Variants in NRG1 observed in about 807,000 individuals in gnomAD.
NRG1 encodes the protein neuregulin 1.
In NRG1, 18 loss-of-function variants were observed where a neutral mutation model predicts 63.8. That is an observed-to-expected ratio of 0.28 (90% CI 0.19 to 0.42). The LOEUF is 0.42. Ranked by LOEUF, NRG1 falls within the 10% of genes least tolerant of loss-of-function variation. NRG1 has a pLI of 1.00. For missense variants in NRG1, 762 were observed against 814.7 expected (o/e 0.94, Z 0.79); for synonymous variants, 302 against 301.3 (o/e 1.00, Z -0.02).
chr8:32,363,208 A>G (rs1392715978), intron 1 of NRG1, among the ~76,000 whole-genome samples: 1 of 152,184 alleles, frequency 6.6e-6, no homozygotes, highest in Non-Finnish European at 1.5e-5. Flanking sequence ...AACAACTGAG[A>G]TGGTTATTCA....
intron 1 of NRG1, among the ~76,000 whole-genome samples, chr8:31,776,605 T>C (rs964408176): frequency 6.6e-6 from 1 of 152,076 alleles, no homozygotes; most frequent in Non-Finnish European, 1.5e-5. Context: ...TTGTTACATA[T>C]GTATACATGT....
intron 1 of NRG1, among the ~76,000 whole-genome samples, chr8:32,175,332 C>T (rs1165024497): frequency 6.6e-6 from 1 of 152,104 alleles, no homozygotes; most frequent in Non-Finnish European, 1.5e-5. Flanking sequence ...GGACATATGT[C>T]AAAATAATAA....
chr8:32,475,573 C>T (rs1042870093), intron 1 of NRG1, among the ~76,000 whole-genome samples: 9 of 151,590 alleles, frequency 5.9e-5, no homozygotes, highest in African/African-American at 2.2e-4. Context: ...CTTGCTCTGT[C>T]ACCTAGGCTG....
chr8:32,545,129 T>C (rs1452456324), upstream of NRG1, among the ~76,000 whole-genome samples: 1 of 152,242 alleles, frequency 6.6e-6, no homozygotes, highest in Non-Finnish European at 1.5e-5. Flanking sequence ...TTTTAAAACT[T>C]TTCTTGGAGT....
intron 1 of NRG1, among the ~76,000 whole-genome samples, chr8:32,031,998 A>G (rs998689685): frequency 2.6e-5 from 4 of 152,126 alleles, no homozygotes; most frequent in African/African-American, 9.7e-5. Context: ...TGCTGGGTCA[A>G]ATGATATTTC....
At chr8:32,059,217 A>G (rs762429995) in intron 1 of NRG1, among the ~76,000 whole-genome samples, 4 of 151,930 alleles carry the variant, frequency 2.6e-5, no homozygotes, top group Admixed American at 6.6e-5. Context: ...TTCCTGCATC[A>G]TATCTTCATA....
At chr8:31,815,179 T>C (rs1823316083) in intron 1 of NRG1, among the ~76,000 whole-genome samples, 1 of 152,194 alleles carries the variant, frequency 6.6e-6, no homozygotes, top group Non-Finnish European at 1.5e-5. Context: ...CAGAATCCAT[T>C]GCCATAGCTC....
intron 1 of NRG1, among the ~76,000 whole-genome samples, chr8:31,974,072 G>A (rs1187028040): frequency 6.6e-6 from 1 of 152,134 alleles, no homozygotes; most frequent in East Asian, 1.9e-4. Context: ...TGAGCGCTAG[G>A]AAGATGTTCT....
At chr8:31,663,049 C>T (rs1217807061) in intron 1 of NRG1, among the ~76,000 whole-genome samples, 2 of 152,178 alleles carry the variant, frequency 1.3e-5, no homozygotes, top group Admixed American at 6.5e-5. Flanking sequence ...GCCCTCTTGT[C>T]TTCCGTGCTC....
chr8:32,310,949 CAT>C (rs1856746854), intron 1 of NRG1, among the ~76,000 whole-genome samples: 1 of 152,164 alleles, frequency 6.6e-6, no homozygotes, highest in Non-Finnish European at 1.5e-5. Flanking sequence ...TAATTCTACC[CAT>C]CAGAATTTAG....
At chr8:31,864,252 A>C (rs1202147275) in intron 1 of NRG1, among the ~76,000 whole-genome samples, 1 of 152,184 alleles carries the variant, frequency 6.6e-6, no homozygotes, top group Non-Finnish European at 1.5e-5. Flanking sequence ...CTGACCAGGT[A>C]ATGCTAAGTA....
In NRG1 at chr8:32,016,540, T is replaced by C. The variant is rs1305917171; in HGVS notation, c.37+377109T>C. On this transcript the variant is annotated intron_variant, in intron 1 of 10. Coordinates refer to the NRG1 transcript ENST00000519301. ...AAAAATTACAAGAGATTGCCTGAATTATTTTTTATATTAAAAACATAGCAG... is the reference window on the plus strand; with the variant it reads ...AAAAATTACAAGAGATTGCCTGAATCATTTTTTATATTAAAAACATAGCAG... Among the ~76,000 whole-genome samples, 3 of 152,220 alleles carry C rather than the reference T, an allele frequency of 2.0e-5. No individual in the cohort carries two copies. The East Asian group carries it at 5.8e-4, about 29-fold the overall frequency.
intron 1 of NRG1, among the ~76,000 whole-genome samples, chr8:31,803,119 A>G (rs564507251): frequency 3.9e-5 from 6 of 152,312 alleles, no homozygotes; most frequent in Admixed American, 3.9e-4. Flanking sequence ...TTCTCCTCTT[A>G]TTGAATTTAG....
Position 32,255,202 on chromosome 8 carries a change from A to G in NRG1, c.38-340626A>G, listed in dbSNP as rs150090004. On this transcript the variant is annotated intron_variant, in intron 1 of 10. Coordinates refer to the NRG1 transcript ENST00000519301. ...TTTAGCCCATTTACATTTAAGGTTA[A>G]TATTGTTATATGTGAATTTGATCCT... Among the ~76,000 whole-genome samples the G allele has an allele frequency of 7.3e-3, 1,119 of 152,274 alleles. 14 individuals carry two copies. Among genetic ancestry groups the G allele is most frequent in the African/African-American group, 0.026 (1,073 of 41,538 alleles).
chr8:32,402,164 C>T (rs1267175721), intron 1 of NRG1, among the ~76,000 whole-genome samples: 4 of 152,194 alleles, frequency 2.6e-5, no homozygotes, highest in African/African-American at 4.8e-5. Context: ...CTGCCCACCT[C>T]GGCCTCCCGA....
At chr8:32,276,458 T>C (rs779029455) in intron 1 of NRG1, among the ~76,000 whole-genome samples, 1 of 152,186 alleles carries the variant, frequency 6.6e-6, no homozygotes, top group Non-Finnish European at 1.5e-5. Context: ...TGATGGACAC[T>C]TAGATTAAAG....
At chr8:32,414,816 T>C (rs1004146672) in intron 1 of NRG1, among the ~76,000 whole-genome samples, 1 of 152,170 alleles carries the variant, frequency 6.6e-6, no homozygotes, top group Admixed American at 6.5e-5. Context: ...GCTCAGTAAG[T>C]AAACCAGGTA....
At chr8:32,626,260 G>A (rs562994065) in intron 5 of NRG1, among the ~76,000 whole-genome samples, 26 of 150,068 alleles carry the variant, frequency 1.7e-4, no homozygotes, top group Middle Eastern at 3.4e-3. Flanking sequence ...GAAGGAGTTC[G>A]CAGCAAAGTA....
chr8:32,664,579 C>CA lies in NRG1; in HGVS notation c.502+47702dup, dbSNP rs923695017. Among the ~76,000 whole-genome samples, 37 of 151,148 alleles carry CA rather than the reference C, an allele frequency of 2.4e-4. 1 individual carries two copies. The highest frequency in any genetic ancestry group is 3.4e-3 in the Middle Eastern group (1 of 294). On this transcript the variant is annotated intron_variant, in intron 5 of 11. Coordinates refer to ENST00000356819, the Ensembl canonical transcript of NRG1. ...ATGTATTGTCTAATCCTCACACACA[C>CA]AAAAAAAACATTGTTCCTTTTTGGA...
Sources: allele counts gnomAD v4.1 joint callset (sites outside exome capture counted in the v4.1 genomes callset), GRCh38; gene constraint gnomAD v4.1.1; transcripts MANE v1.5; gene names NCBI Gene and HGNC (gene_info 2026-07-23, HGNC 2026-07-21).